The following ATP6V1H variants were observed in gnomAD, a reference collection of about 807,000 sequenced individuals.
The protein encoded by ATP6V1H is V-type proton ATPase subunit H.
ATP6V1H carries 39 observed loss-of-function variants against 71.7 expected under a neutral mutation model. That is an observed-to-expected ratio of 0.54 (90% CI 0.42 to 0.71). The LOEUF is 0.71. Among genes scored for constraint, ATP6V1H ranks in the 30% least tolerant of loss-of-function variants. The probability of loss-of-function intolerance (pLI) is 0.00; values close to 1 mark genes in which losing one functional copy is unlikely to be tolerated. For missense variants in ATP6V1H, 509 were observed against 594.9 expected (o/e 0.86, Z 1.50); for synonymous variants, 192 against 199.3 (o/e 0.96, Z 0.31).
intron 13 of ATP6V1H, among the ~76,000 whole-genome samples, chr8:53,717,754 T>C (rs1310446191): frequency 2.0e-5 from 3 of 152,172 alleles, no homozygotes; most frequent in African/African-American, 2.4e-5. Flanking sequence ...ATAATATTTA[T>C]GGCAAATTTC....
intron 7 of ATP6V1H, among the ~76,000 whole-genome samples, chr8:53,809,112 C>G (rs553253745): frequency 1.7e-4 from 26 of 152,288 alleles, no homozygotes; most frequent in African/African-American, 6.0e-4. Context: ...ATTCTCTAAG[C>G]AATCCATTTC....
At chr8:53,834,039 A>T (rs532762444) in intron 2 of ATP6V1H, among the ~76,000 whole-genome samples, 2 of 152,168 alleles carry the variant, frequency 1.3e-5, no homozygotes, top group East Asian at 3.9e-4. Flanking sequence ...CTAAATACAG[A>T]CCCTTCCTTG....
intron 8 of ATP6V1H, among the ~76,000 whole-genome samples, chr8:53,798,140 A>C (rs547749953): frequency 6.6e-6 from 1 of 152,344 alleles, no homozygotes; most frequent in East Asian, 1.9e-4. Flanking sequence ...TATACAAATA[A>C]ACAGTGTTGT....
Position 53,824,183 on chromosome 8 carries a change from T to C in ATP6V1H, c.306+5261A>G, listed in dbSNP as rs189787373. Among the ~76,000 whole-genome samples the C allele has an allele frequency of 3.2e-4, 49 of 152,262 alleles. 1 individual carries two copies. The East Asian group carries it at 6.9e-3, about 22-fold the overall frequency. ...TTACCAAAATTACCACCATTTGAGA[T>C]AGAAAGCTTCAAATGAACAATTTCT... On this transcript the variant is annotated intron_variant, in intron 4 of 13. Transcript: ENST00000359530.
At position 53,835,857 on chromosome 8, in the gene ATP6V1H, T is replaced by C. The variant is rs1028059536; in HGVS notation, c.114-2771A>G. ...ACTCAAGTCACTCATCTTCACTGCC[T>C]CCTGTGCCTCAGCTACTATGAAAAG... On this transcript the variant is annotated intron_variant, in intron 2 of 13. Coordinates refer to ENST00000359530, the MANE Select transcript of ATP6V1H (RefSeq NM_015941.4). 2.6e-5 allele frequency among the ~76,000 whole-genome samples: 4 copies of C among 152,154 alleles called. No homozygotes were observed. In the South Asian group the frequency reaches 8.3e-4, roughly 32 times the overall value.
rs190076316 is a variant in ATP6V1H, at chr8:53,827,499, T to A, written c.306+1945A>T. 6.0e-5 allele frequency among the ~76,000 whole-genome samples: 9 copies of A among 150,550 alleles called. No individual in the cohort carries two copies. In the East Asian group the frequency reaches 1.7e-3, roughly 29 times the overall value. ...ACAGTATTTCATGAAAAATAATCAC[T>A]CTGAAACTTGAACACAGTATTCTGA... On this transcript the variant is annotated intron_variant, in intron 4 of 13. Transcript: ENST00000359530.
Position 53,772,027 on chromosome 8 carries a change from A to T in ATP6V1H, c.1011T>A (p.Phe337Leu). The T allele has an allele frequency of 1.2e-6, 2 of 1,614,104 alleles. No individual in the cohort carries two copies. Among genetic ancestry groups the T allele is most frequent in the Non-Finnish European group, 1.7e-6 (2 of 1,179,994 alleles). Residue 337 changes from phenylalanine to leucine, a missense_variant, in exon 10 of 14, where the codon TTT becomes TTA. This residue lies in a region of ATP6V1H where 212 missense variants were observed against 291.6 expected (regional missense o/e 0.73). Transcript: ENST00000359530. ...CACTCTCTCCAAGTTTTTCCAAAAG[A>T]AATTTGATATCTTCGCTGATATCTT... Reference protein sequence around the residue: ...DDEDISEDIKFLLEKLGESVQ... With the variant: ...DDEDISEDIKLLLEKLGESVQ...
intron 9 of ATP6V1H, among the ~76,000 whole-genome samples, chr8:53,790,898 T>G (rs1809544687): frequency 6.6e-6 from 1 of 152,188 alleles, no homozygotes. Context: ...TGTGGGTAAT[T>G]TACAATTTTA....
intron 3 of ATP6V1H, chr8:53,831,859 A>C (rs1345150726): frequency 1.4e-5 from 2 of 147,878 alleles, no homozygotes; most frequent in African/African-American, 5.1e-5. Flanking sequence ...TCAGTCTCCC[A>C]AAGTACTGGG....
chr8:53,786,680 T>C (rs1344842326), intron 9 of ATP6V1H, among the ~76,000 whole-genome samples: 2 of 152,206 alleles, frequency 1.3e-5, no homozygotes, highest in East Asian at 1.9e-4. Flanking sequence ...CCCTGAAATA[T>C]GTTATTCCTT....
chr8:53,792,982 A>G (rs1028023485), intron 9 of ATP6V1H, among the ~76,000 whole-genome samples: 2 of 152,200 alleles, frequency 1.3e-5, no homozygotes, highest in African/African-American at 4.8e-5. Flanking sequence ...TGTGGAATAC[A>G]TTTAAAGTAA....
intron 9 of ATP6V1H, among the ~76,000 whole-genome samples, chr8:53,778,590 T>C (rs535618081): frequency 6.6e-6 from 1 of 152,250 alleles, no homozygotes; most frequent in South Asian, 2.1e-4. Flanking sequence ...TGGAGGTCAT[T>C]ATGTTAAGTA....
At chr8:53,820,339 C>T (rs1452016298) in intron 4 of ATP6V1H, among the ~76,000 whole-genome samples, 1 of 147,242 alleles carries the variant, frequency 6.8e-6, no homozygotes, top group African/African-American at 2.5e-5. Context: ...GATTGGGTGG[C>T]AAAAAGAAAA....
intron 4 of ATP6V1H, 146 bp from the exon 5 acceptor site, chr8:53,817,676 G>T: frequency 5.5e-6 from 3 of 544,532 alleles, no homozygotes; most frequent in Non-Finnish European, 9.8e-6. Flanking sequence ...TTATTACTAC[G>T]GGGCAGGGGG....
chr8:53,728,807 C>T (rs1435014709), intron 13 of ATP6V1H, among the ~76,000 whole-genome samples: 1 of 152,216 alleles, frequency 6.6e-6, no homozygotes, highest in Non-Finnish European at 1.5e-5. Flanking sequence ...TTCACCACAA[C>T]CAAGATAAAC....
intron 9 of ATP6V1H, among the ~76,000 whole-genome samples, chr8:53,777,766 T>C (rs1808947081): frequency 2.6e-5 from 4 of 152,194 alleles, no homozygotes; most frequent in African/African-American, 9.7e-5. Flanking sequence ...TAAAGCTTTA[T>C]TGATTAAAAA....
At chr8:53,740,537 C>T (rs754394753) in intron 13 of ATP6V1H, among the ~76,000 whole-genome samples, 5 of 152,146 alleles carry the variant, frequency 3.3e-5, no homozygotes, top group South Asian at 2.1e-4. Context: ...TATAATAACT[C>T]GTTTCCATTT....
rs536895689 is a variant in ATP6V1H at position 53,732,707 on chromosome 8, G to A, written c.1391+10870C>T. On this transcript the variant is annotated intron_variant, in intron 13 of 13. Coordinates refer to ENST00000359530, the MANE Select transcript of ATP6V1H (RefSeq NM_015941.4). ...AGTAACAGTAAGAGCAGCTTCGCCA[G>A]CAGACAGAATTAAAAGAAGAAATCC... 5.8e-4 allele frequency among the ~76,000 whole-genome samples: 88 copies of A among 150,968 alleles called. 1 individual carries two copies. In the South Asian group the frequency reaches 0.015, roughly 25 times the overall value.
chr8:53,842,701 T>C (rs950097631), intron 1 of ATP6V1H: 7 of 152,194 alleles, frequency 4.6e-5, no homozygotes, highest in African/African-American at 1.7e-4. Flanking sequence ...TAGCTCAAGG[T>C]GTCTCTAGAC....
Sources: gnomAD v4.1 joint callset for allele counts (sites outside exome capture counted in the v4.1 genomes callset) on GRCh38, gnomAD v4.1.1 for gene constraint, gnomAD v4.1.1 regional missense constraint, MANE v1.5 for transcripts, NCBI Gene and HGNC (gene_info 2026-07-23, HGNC 2026-07-21) for gene names.